Variants in CR1L observed in about 807,000 individuals in gnomAD.
The protein encoded by CR1L is complement C3b/C4b receptor 1 like.
CR1L carries 59 observed loss-of-function variants against 62.3 expected under a neutral mutation model. The ratio of observed to expected loss-of-function variants is 0.95; its 90% CI spans 0.77 to 1.18. CR1L has a LOEUF of 1.18. CR1L is among the 50% of genes most tolerant of loss of function. The pLI is 0.00. For synonymous variants in CR1L, 279 were observed against 248.7 expected (o/e 1.12, Z -1.15); for missense variants, 700 against 702.8 (o/e 1.00, Z 0.04).
intron 3 of CR1L, among the ~76,000 whole-genome samples, chr1:207,683,024 TTCCTTCCTTCCTTCCTTCCC>T (rs1663828956): frequency 6.8e-6 from 1 of 147,188 alleles, no homozygotes; most frequent in East Asian, 2.0e-4. Context: ...CTTTCTTTCT[TTCCTTCCTTCCTTCCTTCCC>T]TCCTTCCTTC....
chr1:207,695,201 C>A (rs1267832251), intron 5 of CR1L, among the ~76,000 whole-genome samples: 1 of 152,152 alleles, frequency 6.6e-6, no homozygotes, highest in Non-Finnish European at 1.5e-5. Context: ...TCATGGCTTA[C>A]TGCAACCGCC....
In CR1L at chr1:207,714,366, G is replaced by A. The variant is rs1653927912; in HGVS notation, c.1415-3098G>A. Among the ~76,000 whole-genome samples, 5 of 152,158 alleles carry A rather than the reference G, an allele frequency of 3.3e-5. No homozygotes were observed. The South Asian group carries it at 1.0e-3, about 31-fold the overall frequency. ...GGTATATGTGAAATAGATGAAGAGTGGGGATCAATCAGAGGAAAGCACACC... is the reference window on the plus strand; with the variant it reads ...GGTATATGTGAAATAGATGAAGAGTAGGGATCAATCAGAGGAAAGCACACC... On this transcript the variant is annotated intron_variant, in intron 10 of 11. Transcript: ENST00000508064.
chr1:207,699,139 T>C (rs1321902916), intron 7 of CR1L, 50 bp from the exon 8 acceptor site: 4 of 1,610,688 alleles, frequency 2.5e-6, no homozygotes, highest in African/African-American at 2.7e-5. Context: ...GTGAACTAAG[T>C]GTCCTCTTGG....
At chr1:207,714,269 C>CA (rs1263370538) in intron 10 of CR1L, among the ~76,000 whole-genome samples, 2 of 151,788 alleles carry the variant, frequency 1.3e-5, no homozygotes, top group Non-Finnish European at 2.9e-5. Flanking sequence ...GGTGAGTATG[C>CA]AAAAAAGGCT....
intron 4 of CR1L, among the ~76,000 whole-genome samples, chr1:207,688,291 T>C (rs540822449): frequency 6.6e-6 from 1 of 152,212 alleles, no homozygotes; most frequent in African/African-American, 2.4e-5. Context: ...GATAGGCAAT[T>C]GATCTAATAT....
chr1:207,691,803 G>A (rs1244022157), intron 4 of CR1L, among the ~76,000 whole-genome samples: 1 of 152,024 alleles, frequency 6.6e-6, no homozygotes, highest in Non-Finnish European at 1.5e-5. Flanking sequence ...TCCTCTTTTT[G>A]TATTGTTGCC....
At chr1:207,723,545 A>T in intron 11 of CR1L, 73 bp from the exon 12 acceptor site, 1 of 1,247,862 alleles carries the variant, frequency 8.0e-7, no homozygotes, top group Non-Finnish European at 1.1e-6. Flanking sequence ...ATAAATTGTC[A>T]CTGGCTGAGA....
At chr1:207,669,608 G>A (rs1663578098) in intron 1 of CR1L, 24 of 1,181,366 alleles carry the variant, frequency 2.0e-5, no homozygotes, top group South Asian at 1.8e-4. Context: ...GGCTGACGAG[G>A]CACCCAGGGC....
At position 207,714,405 on chromosome 1, in the gene CR1L, G is replaced by A. The variant is rs773365435; in HGVS notation, c.1415-3059G>A. ...GGAAAGCACACCCAACAGGAAGAGA[G>A]GTTCTCAAGCCAGTCCATGGATTTA... On this transcript the variant is annotated intron_variant, in intron 10 of 11. Transcript: ENST00000508064. Among the ~76,000 whole-genome samples, 19 of 152,314 alleles carry A rather than the reference G, an allele frequency of 1.2e-4. No homozygotes were observed. In the South Asian group the frequency reaches 2.5e-3, roughly 20 times the overall value.
At chr1:207,720,260 G>A (rs1654101886) in intron 11 of CR1L, among the ~76,000 whole-genome samples, 1 of 152,058 alleles carries the variant, frequency 6.6e-6, no homozygotes, top group Non-Finnish European at 1.5e-5. Context: ...ATCTAGTCTT[G>A]GCCTTTGACA....
chr1:207,667,328 A>T (rs1281829710), intron 1 of CR1L, among the ~76,000 whole-genome samples: 2 of 152,060 alleles, frequency 1.3e-5, no homozygotes, highest in South Asian at 2.1e-4. Flanking sequence ...GAAAAGACTG[A>T]CTCCTTCTGA....
At chr1:207,684,436 G>A (rs2102462567) in intron 4 of CR1L, among the ~76,000 whole-genome samples, 1 of 152,240 alleles carries the variant, frequency 6.6e-6, no homozygotes, top group South Asian at 2.1e-4. Context: ...TTATACTTAG[G>A]AAATAATCAC....
At chr1:207,721,461 G>A (rs900386415) in intron 11 of CR1L, among the ~76,000 whole-genome samples, 6 of 151,052 alleles carry the variant, frequency 4.0e-5, no homozygotes, top group East Asian at 2.0e-4. Context: ...TCGTTCTTGC[G>A]ATAGTTTACT....
chr1:207,669,555 G>A (rs4844388), intron 1 of CR1L: 402,051 of 1,550,598 alleles, frequency 0.26, 56,516 homozygotes, highest in Admixed American at 0.43. Context: ...TCGCGCTGCC[G>A]GTGGCCTGGG....
intron 1 of CR1L, among the ~76,000 whole-genome samples, chr1:207,655,896 G>A (rs147774007): frequency 0.013 from 1,907 of 152,258 alleles, 18 homozygotes; most frequent in Non-Finnish European, 0.022. Flanking sequence ...GGAAGACTTG[G>A]ATTTGGGCTG....
intron 3 of CR1L, among the ~76,000 whole-genome samples, chr1:207,678,764 G>A (rs566359362): frequency 6.6e-6 from 1 of 152,280 alleles, no homozygotes; most frequent in South Asian, 2.1e-4. Flanking sequence ...GAGGCTGGAA[G>A]TACAAAATCA....
chr1:207,690,787 C>T (rs897754936), intron 4 of CR1L, among the ~76,000 whole-genome samples: 4 of 152,200 alleles, frequency 2.6e-5, no homozygotes, highest in Non-Finnish European at 4.4e-5. Context: ...TGCTGGCAAT[C>T]GTTGATGTTC....
chr1:207,721,526 A>C (rs1166640344), intron 11 of CR1L, among the ~76,000 whole-genome samples: 1 of 150,332 alleles, frequency 6.7e-6, no homozygotes, highest in Non-Finnish European at 1.5e-5. Context: ...TGAACTCATC[A>C]TTTTTTATGG....
chr1:207,664,754 G>GATATTT (rs141288055), intron 1 of CR1L, among the ~76,000 whole-genome samples: 12 of 152,100 alleles, frequency 7.9e-5, no homozygotes, highest in African/African-American at 2.9e-4. Flanking sequence ...AAACTACAGG[G>GATATTT]GTATTTTTTG....
Sources: gnomAD v4.1 joint callset for allele counts (sites outside exome capture counted in the v4.1 genomes callset) on GRCh38, gnomAD v4.1.1 for gene constraint, MANE v1.5 for transcripts, NCBI Gene and HGNC (gene_info 2026-07-23, HGNC 2026-07-21) for gene names.